The following AKR1B1 variants were observed in gnomAD, a reference collection of about 807,000 sequenced individuals.
AKR1B1 encodes the protein aldo-keto reductase family 1 member B, also known as aldo-keto reductase family 1 member B1.
AKR1B1 carries 22 observed loss-of-function variants against 40.4 expected under a neutral mutation model. The observed-to-expected ratio is 0.54, with a 90% CI of 0.39 to 0.78. The LOEUF is 0.78. AKR1B1 is among the 30% of genes least tolerant of loss of function. The pLI is 0.00. For missense variants in AKR1B1, 357 were observed against 396.7 expected (o/e 0.90, Z 0.85); for synonymous variants, 157 against 149.9 (o/e 1.05, Z -0.35).
At chr7:134,458,163 G>T (rs1325364879) in intron 1 of AKR1B1, among the ~76,000 whole-genome samples, 4 of 151,480 alleles carry the variant, frequency 2.6e-5, no homozygotes, top group Admixed American at 2.0e-4. Context: ...ATTATTTTTG[G>T]TTTTTCATAT....
At chr7:134,443,436 G>A (rs1805999321) in intron 9 of AKR1B1, among the ~76,000 whole-genome samples, 1 of 151,974 alleles carries the variant, frequency 6.6e-6, no homozygotes, top group African/African-American at 2.4e-5. Flanking sequence ...GATGTTAAAA[G>A]TCTGTATGTG....
At chr7:134,458,933 G>A (rs964864365) in intron 1 of AKR1B1, 64 bp downstream of exon 1, 3 of 1,537,238 alleles carry the variant, frequency 2.0e-6, no homozygotes, top group Non-Finnish European at 2.6e-6. Flanking sequence ...GGGGTCCCTC[G>A]CCAATACAGG....
At position 134,449,136 on chromosome 7, in the gene AKR1B1, CTG is replaced by C; in HGVS notation, c.430-19_430-18del. The C allele has an allele frequency of 6.2e-7, 1 of 1,604,066 alleles. No homozygotes were observed. The highest frequency in any genetic ancestry group is 8.5e-7 in the Non-Finnish European group (1 of 1,179,940). ...TTCCATGGCCTACAGAGAAAAGTGT[CTG>C]TGTGGTGCAGAAACGAACCCAGAAA... On this transcript the variant is annotated intron_variant, in intron 4 of 9. Coordinates refer to ENST00000285930, the MANE Select transcript of AKR1B1 (RefSeq NM_001628.4).
At position 134,449,374 on chromosome 7, in the gene AKR1B1, C is replaced by G. The variant is rs552334681; in HGVS notation, c.430-255G>C. 622 of 573,024 alleles carry G rather than the reference C, an allele frequency of 1.1e-3. 6 individuals are homozygous for G. The highest frequency in any genetic ancestry group is 8.9e-3 in the South Asian group (456 of 50,966). 35.5% of individuals were successfully genotyped at this position (573,024 alleles called of 1,614,324 possible). ...GGCTGAGGCGGGCGGATCACGAGGT[C>G]AGGAGATCAAGACCATCCTGGCTAA... On this transcript the variant is annotated intron_variant, in intron 4 of 9. Coordinates refer to ENST00000285930, the MANE Select transcript of AKR1B1 (RefSeq NM_001628.4).
At chr7:134,449,381 T>C (rs1009386150) in intron 4 of AKR1B1, 2 of 569,574 alleles carry the variant, frequency 3.5e-6, no homozygotes, top group Non-Finnish European at 3.1e-6. Context: ...GGTCAGGAGA[T>C]CAAGACCATC....
At chr7:134,446,191 T>C (rs1310403386) in intron 8 of AKR1B1, among the ~76,000 whole-genome samples, 2 of 152,274 alleles carry the variant, frequency 1.3e-5, no homozygotes, top group East Asian at 1.9e-4. Flanking sequence ...AAACAAACGA[T>C]GCATCTCTGG....
intron 9 of AKR1B1, 132 bp from the exon 10 acceptor site, chr7:134,442,902 G>A (rs1805981998): frequency 4.7e-6 from 4 of 857,598 alleles, no homozygotes; most frequent in African/African-American, 3.4e-5. Flanking sequence ...CTAGTTCTGA[G>A]TGTGCAGATG....
intron 1 of AKR1B1, among the ~76,000 whole-genome samples, chr7:134,458,251 G>T (rs897921864): frequency 2.0e-5 from 3 of 152,066 alleles, no homozygotes; most frequent in East Asian, 3.9e-4. Flanking sequence ...TCTCGGGGAC[G>T]CTGTGTGGTG....
chr7:134,450,630 C>T lies in AKR1B1; in HGVS notation c.351+156G>A, dbSNP rs575778809. 5.9e-5 allele frequency among the ~76,000 whole-genome samples: 9 copies of T among 152,322 alleles called. 1 individual carries two copies. Among genetic ancestry groups the T allele is most frequent in the South Asian group, 4.1e-4 (2 of 4,824 alleles). ...GGGCCCGAGACTGTGATTTCTAAGA[C>T]GCTCCCAGGTGATGCCAGTGCTGAT... is the stretch of plus-strand genomic sequence containing the variant. On this transcript the variant is annotated intron_variant, in intron 3 of 9. Transcript: ENST00000285930.
At chr7:134,452,674 T>C (rs1806325656) in intron 1 of AKR1B1, among the ~76,000 whole-genome samples, 3 of 152,168 alleles carry the variant, frequency 2.0e-5, no homozygotes, top group African/African-American at 4.8e-5. Flanking sequence ...GCAATAAACA[T>C]GTGCAGCGGG....
chr7:134,450,453 G>A (rs1343336885), intron 3 of AKR1B1, among the ~76,000 whole-genome samples: 2 of 152,154 alleles, frequency 1.3e-5, no homozygotes, highest in African/African-American at 2.4e-5. Context: ...AGGGCTGACC[G>A]TGCCTCATGG....
Position 134,448,645 on chromosome 7 carries a change from A to C in AKR1B1, c.553-152T>G. ...TTTCCCAGATAAGCTGTAACTTCCT[A>C]CAGTTCCCAGGTAGTATCCTTGGTG... On this transcript the variant is annotated intron_variant, in intron 5 of 9. Coordinates refer to ENST00000285930, the MANE Select transcript of AKR1B1 (RefSeq NM_001628.4). 3 of 720,748 alleles carry C rather than the reference A, an allele frequency of 4.2e-6. No homozygotes were observed. The South Asian group carries it at 4.5e-5, about 11-fold the overall frequency. 44.6% of individuals were successfully genotyped at this position (720,748 alleles called of 1,614,324 possible).
chr7:134,445,028 G>A (rs1453822299), intron 9 of AKR1B1: 9 of 641,512 alleles, frequency 1.4e-5, no homozygotes, highest in South Asian at 3.5e-5. Context: ...CCCAGGGCTG[G>A]AAGAAGATAT....
chr7:134,455,935 G>A (rs1380602462), intron 1 of AKR1B1, among the ~76,000 whole-genome samples: 1 of 152,148 alleles, frequency 6.6e-6, no homozygotes, highest in Non-Finnish European at 1.5e-5. Context: ...ATGGGTCTGG[G>A]GCAGAGATGG....
chr7:134,455,850 T>G (rs776786456), intron 1 of AKR1B1, among the ~76,000 whole-genome samples: 5 of 152,232 alleles, frequency 3.3e-5, no homozygotes, highest in Non-Finnish European at 7.4e-5. Flanking sequence ...TCCAAAGTGC[T>G]GGGATTACAG....
At chr7:134,448,161 C>A in intron 6 of AKR1B1, 100 bp from the exon 7 acceptor site, 1 of 1,038,094 alleles carries the variant, frequency 9.6e-7, no homozygotes, top group East Asian at 2.5e-5. Context: ...AGAGGGCAGC[C>A]ACCAGTCTCC....
chr7:134,458,897 G>C lies in AKR1B1; in HGVS notation c.66+100C>G, dbSNP rs1011373306. The C allele has an allele frequency of 2.9e-6, 4 of 1,380,900 alleles. No individual in the cohort carries two copies. In the African/African-American group the frequency reaches 4.3e-5, roughly 15 times the overall value. The allele number at this position is 1,380,900 out of a possible 1,614,324, so 85.5% of individuals were successfully genotyped here. A position where few individuals can be genotyped will look rare whatever the true frequency, so the allele number is the denominator to read the frequency against. On this transcript the variant is annotated intron_variant, in intron 1 of 9. Transcript: ENST00000285930. ...GTGGCTCCCAGCACGCCGGGCGTCC[G>C]CGGGGCGAGCTGCTCAGGGTCACTC...
chr7:134,448,092 C>T (rs374913016), intron 6 of AKR1B1, 31 bp from the exon 7 acceptor site: 1 of 1,565,642 alleles, frequency 6.4e-7, no homozygotes, highest in Non-Finnish European at 8.8e-7. Context: ...CAGGTCACAC[C>T]ATCATGGCCA....
Position 134,458,975 on chromosome 7 carries a change from CCG to C in AKR1B1, c.66+20_66+21del. 6.3e-7 allele frequency: 1 copy of C among 1,599,428 alleles called. No individual in the cohort carries two copies. Among genetic ancestry groups the C allele is most frequent in the South Asian group, 1.1e-5 (1 of 88,286 alleles). ...GGAGAGTGTGAGGCGAGCCCCGGGC[CCG>C]CGCCCCCACGAGCACCTACCTTCCA... On this transcript the variant is annotated intron_variant, in intron 1 of 9. Transcript: ENST00000285930.
Sources: gnomAD v4.1 joint callset for allele counts (sites outside exome capture counted in the v4.1 genomes callset) on GRCh38, gnomAD v4.1.1 for gene constraint, MANE v1.5 for transcripts, NCBI Gene and HGNC (gene_info 2026-07-23, HGNC 2026-07-21) for gene names.